Variants in ARHGAP24 observed in about 807,000 individuals in gnomAD.
ARHGAP24 encodes the protein rho GTPase-activating protein 24.
ARHGAP24 carries 50 observed loss-of-function variants against 76.4 expected under a neutral mutation model. The observed-to-expected ratio is 0.65, with a 90% CI of 0.52 to 0.83. ARHGAP24 has a LOEUF of 0.83. Among genes scored for constraint, ARHGAP24 ranks in the 40% least tolerant of loss-of-function variants. The pLI is 0.00. For synonymous variants in ARHGAP24, 345 were observed against 323.3 expected (o/e 1.07, Z -0.72); for missense variants, 930 against 914.2 (o/e 1.02, Z -0.22).
chr4:85,912,303 C>T (rs1735135563), intron 3 of ARHGAP24, among the ~76,000 whole-genome samples: 1 of 151,926 alleles, frequency 6.6e-6, no homozygotes, highest in African/African-American at 2.4e-5. Flanking sequence ...GTTTAAATTC[C>T]AGGCCCATAA....
At chr4:85,528,274 G>A (rs1055737680) in intron 1 of ARHGAP24, among the ~76,000 whole-genome samples, 1 of 152,058 alleles carries the variant, frequency 6.6e-6, no homozygotes, top group African/African-American at 2.4e-5. Flanking sequence ...AATACATTGT[G>A]CTTAATGTAG....
chr4:85,840,527 TATTA>T (rs1402775453), intron 3 of ARHGAP24, among the ~76,000 whole-genome samples: 2 of 152,210 alleles, frequency 1.3e-5, no homozygotes, highest in African/African-American at 4.8e-5. Flanking sequence ...TCTCCTTCCG[TATTA>T]ATTGTTTCAT....
intron 2 of ARHGAP24, among the ~76,000 whole-genome samples, chr4:85,625,995 G>A (rs1391051015): frequency 6.6e-6 from 1 of 152,132 alleles, no homozygotes; most frequent in East Asian, 1.9e-4. Context: ...CCTGAATACA[G>A]CACACTGATG....
intron 1 of ARHGAP24, among the ~76,000 whole-genome samples, chr4:85,520,784 C>T (rs1724711115): frequency 6.6e-6 from 1 of 152,130 alleles, no homozygotes; most frequent in Non-Finnish European, 1.5e-5. Flanking sequence ...ATTGATTGGA[C>T]TTTGATGGAT....
intron 3 of ARHGAP24, among the ~76,000 whole-genome samples, chr4:85,746,345 ACTT>A (rs1221199311): frequency 6.6e-6 from 1 of 152,108 alleles, no homozygotes; most frequent in Non-Finnish European, 1.5e-5. Flanking sequence ...ATTCTTCATG[ACTT>A]CTTCATTTTC....
chr4:85,623,955 T>A (rs1368450463), intron 2 of ARHGAP24, among the ~76,000 whole-genome samples: 1 of 152,098 alleles, frequency 6.6e-6, no homozygotes, highest in African/African-American at 2.4e-5. Context: ...GAGACTTTGC[T>A]GAAGTTGCTT....
intron 3 of ARHGAP24, among the ~76,000 whole-genome samples, chr4:85,817,384 T>G (rs889637582): frequency 9.2e-5 from 14 of 152,176 alleles, no homozygotes; most frequent in African/African-American, 3.4e-4. Context: ...TTCTAGTAGT[T>G]TTACAGTTTA....
intron 2 of ARHGAP24, among the ~76,000 whole-genome samples, chr4:85,587,905 G>A (rs990728789): frequency 1.3e-5 from 2 of 152,194 alleles, no homozygotes; most frequent in African/African-American, 4.8e-5. Context: ...AACCTACTAT[G>A]AGGAAAATAG....
intron 1 of ARHGAP24, among the ~76,000 whole-genome samples, chr4:85,502,960 C>A (rs1173359827): frequency 6.6e-6 from 1 of 152,194 alleles, no homozygotes; most frequent in Non-Finnish European, 1.5e-5. Flanking sequence ...GCCTTTTCTA[C>A]ATCTATTGAG....
At chr4:85,727,605 A>T (rs1411399954) in intron 3 of ARHGAP24, among the ~76,000 whole-genome samples, 1 of 152,112 alleles carries the variant, frequency 6.6e-6, no homozygotes. Flanking sequence ...CTGGGATCCA[A>T]TTCTCTTTCA....
chr4:85,511,907 A>C (rs950600474), intron 1 of ARHGAP24, among the ~76,000 whole-genome samples: 16 of 152,192 alleles, frequency 1.1e-4, no homozygotes, highest in Non-Finnish European at 2.1e-4. Context: ...CTTGGCTTGC[A>C]GCTGCATAAC....
chr4:85,526,839 G>A (rs539928510), intron 1 of ARHGAP24, among the ~76,000 whole-genome samples: 11 of 152,158 alleles, frequency 7.2e-5, no homozygotes, highest in Admixed American at 1.3e-4. Context: ...AAGAAATAGC[G>A]TTCAGCTTTT....
Position 85,871,397 on chromosome 4 carries a change from CCTT to C in ARHGAP24, c.269-52247_269-52245del, listed in dbSNP as rs1487497638. ...TGTTATTTATAAAATGCCCAATACA[CCTT>C]CTTTTCTACCTTAGTTGATTCCATA... On this transcript the variant is annotated intron_variant, in intron 3 of 9. Coordinates refer to ENST00000395184, the MANE Select transcript of ARHGAP24 (RefSeq NM_001025616.3). 2.0e-5 allele frequency among the ~76,000 whole-genome samples: 3 copies of C among 152,144 alleles called. No homozygotes were observed. In the East Asian group the frequency reaches 5.8e-4, roughly 29 times the overall value.
intron 2 of ARHGAP24, among the ~76,000 whole-genome samples, chr4:85,615,659 A>G (rs1408709265): frequency 6.6e-6 from 1 of 152,214 alleles, no homozygotes; most frequent in Non-Finnish European, 1.5e-5. Context: ...TCTATGATAT[A>G]TAATTAATTA....
chr4:85,886,569 G>A (rs935874968), intron 3 of ARHGAP24, among the ~76,000 whole-genome samples: 6 of 152,058 alleles, frequency 3.9e-5, no homozygotes, highest in African/African-American at 1.2e-4. Flanking sequence ...GGAGAGAAAG[G>A]GAATGATAGT....
At chr4:85,755,912 C>T (rs1726472964) in intron 3 of ARHGAP24, among the ~76,000 whole-genome samples, 1 of 152,110 alleles carries the variant, frequency 6.6e-6, no homozygotes, top group South Asian at 2.1e-4. Flanking sequence ...GGAGTACAGG[C>T]GTGAGCCACC....
At chr4:85,994,177 A>G (rs1236471558) in intron 8 of ARHGAP24, among the ~76,000 whole-genome samples, 2 of 152,196 alleles carry the variant, frequency 1.3e-5, no homozygotes, top group Non-Finnish European at 2.9e-5. Context: ...CTCCTAAGAA[A>G]TATTTCTCAG....
intron 2 of ARHGAP24, among the ~76,000 whole-genome samples, chr4:85,655,792 T>TATATATATATAG (rs1553920518): frequency 1.1e-4 from 4 of 37,702 alleles, no homozygotes; most frequent in African/African-American, 6.5e-4. Flanking sequence ...TATATATATA[T>TATATATATATAG]AGAGAGAGAG....
At chr4:85,910,398 G>C (rs1217589002) in intron 3 of ARHGAP24, among the ~76,000 whole-genome samples, 4 of 152,182 alleles carry the variant, frequency 2.6e-5, no homozygotes, top group Non-Finnish European at 5.9e-5. Context: ...CTGCGACCAA[G>C]AACTCAGACA....
Sources: gnomAD v4.1 joint callset for allele counts (sites outside exome capture counted in the v4.1 genomes callset) on GRCh38, gnomAD v4.1.1 for gene constraint, MANE v1.5 for transcripts, NCBI Gene and HGNC (gene_info 2026-07-23, HGNC 2026-07-21) for gene names.